SLIT3: variants seen among roughly 807,000 people sequenced by gnomAD.
The protein encoded by SLIT3 is slit homolog 3 protein.
Under a neutral mutation model 184.0 loss-of-function variants are expected in SLIT3, and 68 were observed. That is an observed-to-expected ratio of 0.37 (90% CI 0.30 to 0.45). SLIT3 has a LOEUF of 0.45. SLIT3 is among the 20% of genes least tolerant of loss of function. The pLI, the probability that SLIT3 is intolerant of heterozygous loss-of-function variation, is 1.00. For synonymous variants in SLIT3, 831 were observed against 828.6 expected, an observed-to-expected ratio of 1.00 and a Z score of -0.05; for missense variants, 1,707 against 2,026.0, an observed-to-expected ratio of 0.84 and a Z score of 3.02.
At chr5:168,954,587 C>T (rs1266302096) in intron 4 of SLIT3, among the ~76,000 whole-genome samples, 1 of 152,146 alleles carries the variant, frequency 6.6e-6, no homozygotes, top group African/African-American at 2.4e-5. Flanking sequence ...AAAATATTTC[C>T]ATTTTACAGA....
chr5:169,125,311 G>C (rs1761042636), intron 4 of SLIT3, among the ~76,000 whole-genome samples: 1 of 152,154 alleles, frequency 6.6e-6, no homozygotes, highest in Non-Finnish European at 1.5e-5. Flanking sequence ...CTCCCAAAGT[G>C]CTTGGGATTA....
intron 4 of SLIT3, among the ~76,000 whole-genome samples, chr5:169,083,108 G>T (rs150181904): frequency 6.6e-6 from 1 of 152,142 alleles, no homozygotes; most frequent in African/African-American, 2.4e-5. Flanking sequence ...ACACAGTTTC[G>T]GAACTAACTG....
At chr5:169,276,150 C>T (rs138008349) in intron 1 of SLIT3, among the ~76,000 whole-genome samples, 433 of 152,302 alleles carry the variant, frequency 2.8e-3, no homozygotes, top group Non-Finnish European at 3.8e-3. Context: ...AAACCAATTT[C>T]TTCTGAAAGA....
intron 32 of SLIT3, among the ~76,000 whole-genome samples, chr5:168,676,479 T>C (rs1024407862): frequency 2.8e-4 from 43 of 152,204 alleles, no homozygotes; most frequent in African/African-American, 8.9e-4. Flanking sequence ...GCTATTTCTA[T>C]TTCAGAAGCC....
intron 4 of SLIT3, among the ~76,000 whole-genome samples, chr5:168,918,889 T>C (rs1439343940): frequency 1.3e-5 from 2 of 152,198 alleles, no homozygotes; most frequent in African/African-American, 4.8e-5. Context: ...ATCCTCACCA[T>C]ATATAACCAC....
At position 168,685,788 on chromosome 5, in the gene SLIT3, G is replaced by A. The variant is rs1424624849; in HGVS notation, c.3454C>T (p.Pro1152Ser). The part of the protein sequence containing the change: ...TCRCPPGFAG[P>S]RCEKLITVNF... ...ACAGTGATGAGCTTCTCGCATCTGG[G>A]GCCGGCGAAGCCTGGTGGGCAGCGG... The change falls in exon 31 of 36, where the codon CCC becomes TCC. Residue 1152 changes from proline to serine, a missense_variant. Transcript: ENST00000519560. The A allele has an allele frequency of 6.2e-7, 1 of 1,613,418 alleles. No homozygotes were observed. The highest frequency in any genetic ancestry group is 1.3e-5 in the African/African-American group (1 of 75,054).
chr5:168,986,868 T>C (rs1755149112), intron 4 of SLIT3, among the ~76,000 whole-genome samples: 1 of 152,210 alleles, frequency 6.6e-6, no homozygotes, highest in Non-Finnish European at 1.5e-5. Flanking sequence ...GTTTAACTCA[T>C]GATATACACA....
intron 10 of SLIT3, among the ~76,000 whole-genome samples, chr5:168,793,198 A>G (rs1374371631): frequency 6.6e-6 from 1 of 152,166 alleles, no homozygotes; most frequent in Non-Finnish European, 1.5e-5. Context: ...GCAGAGACAA[A>G]GCCATTCATT....
chr5:168,768,883 G>A lies in SLIT3; in HGVS notation c.1459+3898C>T, dbSNP rs9784693. Among the ~76,000 whole-genome samples the A allele has an allele frequency of 7.8e-3, 1,184 of 152,302 alleles. 13 individuals carry two copies. Among genetic ancestry groups the A allele is most frequent in the African/African-American group, 0.027 (1,107 of 41,562 alleles). ...CCAGATCATTTGAGGTTTAATAGAGGAGCAGTGGGGTGTCAAAAGAAAATA... is the reference window on the plus strand; with the variant it reads ...CCAGATCATTTGAGGTTTAATAGAGAAGCAGTGGGGTGTCAAAAGAAAATA... On this transcript the variant is annotated intron_variant, in intron 14 of 35. Coordinates refer to ENST00000519560, the MANE Select transcript of SLIT3 (RefSeq NM_003062.4).
Position 168,708,007 on chromosome 5 carries a change from A to T in SLIT3, c.2813T>A (p.Leu938Gln), listed in dbSNP as rs147684957. Residue 938 changes from leucine (L) to glutamine (Q), a missense_variant, in exon 26 of 36, where the codon CTG becomes CAG. Coordinates refer to ENST00000519560, the MANE Select transcript of SLIT3 (RefSeq NM_003062.4). Reference protein sequence around the residue: ...NGTCTQDPVELYRCACPYSYK... With the variant: ...NGTCTQDPVEQYRCACPYSYK... ...GCTGTAGGGGCAGGCACAGCGGTACAGCTCCACAGGGTCCTGGGTGCATGT... is the reference window on the plus strand; with the variant it reads ...GCTGTAGGGGCAGGCACAGCGGTACTGCTCCACAGGGTCCTGGGTGCATGT... 7.5e-5 allele frequency: 121 copies of T among 1,614,210 alleles called. No individual in the cohort carries two copies. The African/African-American group carries it at 1.3e-3, about 18-fold the overall frequency.
chr5:169,167,801 A>G (rs1039071709), intron 4 of SLIT3, among the ~76,000 whole-genome samples: 3 of 152,002 alleles, frequency 2.0e-5, no homozygotes, highest in Non-Finnish European at 4.4e-5. Context: ...CCTGCCACCC[A>G]GCAACCCCTC....
At chr5:168,947,474 A>G (rs547508753) in intron 4 of SLIT3, among the ~76,000 whole-genome samples, 6 of 152,138 alleles carry the variant, frequency 3.9e-5, no homozygotes, top group Non-Finnish European at 8.8e-5. Context: ...GAGATGTTGC[A>G]TGGGACTGTG....
chr5:169,199,080 G>C (rs1378892294), intron 3 of SLIT3, among the ~76,000 whole-genome samples: 1 of 152,008 alleles, frequency 6.6e-6, no homozygotes, highest in African/African-American at 2.4e-5. Flanking sequence ...CAGTTTGGAG[G>C]AGGTTGAAAT....
At chr5:169,245,696 CCCACAAGCA>C (rs1765565140) in intron 2 of SLIT3, among the ~76,000 whole-genome samples, 1 of 152,066 alleles carries the variant, frequency 6.6e-6, no homozygotes, top group African/African-American at 2.4e-5. Context: ...AGGAGAGGTA[CCCACAAGCA>C]CCTAAGCAAA....
chr5:168,981,389 C>T (rs1754942571), intron 4 of SLIT3, among the ~76,000 whole-genome samples: 1 of 152,134 alleles, frequency 6.6e-6, no homozygotes, highest in Non-Finnish European at 1.5e-5. Flanking sequence ...CCCGGGATTG[C>T]AATGAGGCTT....
chr5:168,828,401 C>A (rs964781084), intron 6 of SLIT3, among the ~76,000 whole-genome samples: 2 of 151,910 alleles, frequency 1.3e-5, no homozygotes, highest in Admixed American at 1.3e-4. Context: ...GAGGCCACAG[C>A]GGGAGGACTG....
rs138441442 is a variant in SLIT3 at position 169,296,483 on chromosome 5, G to A, written c.197+4030C>T. On this transcript the variant is annotated intron_variant, in intron 1 of 35. Coordinates refer to ENST00000519560, the MANE Select transcript of SLIT3 (RefSeq NM_003062.4). ...AGCTGCTCCTTAGTCTGTCCAGGAGGGCACTGTGTTTCCCTAAAAGGCCAC... is the reference window on the plus strand; with the variant it reads ...AGCTGCTCCTTAGTCTGTCCAGGAGAGCACTGTGTTTCCCTAAAAGGCCAC... Among the ~76,000 whole-genome samples the A allele has an allele frequency of 4.5e-3, 689 of 152,264 alleles. 4 individuals are homozygous for A. Among genetic ancestry groups the A allele is most frequent in the Middle Eastern group, 0.014 (4 of 294 alleles).
chr5:169,130,594 C>A (rs900010097), intron 4 of SLIT3, among the ~76,000 whole-genome samples: 2 of 152,130 alleles, frequency 1.3e-5, no homozygotes, highest in African/African-American at 4.8e-5. Flanking sequence ...ATCCTCCCTG[C>A]CTAAAACAGT....
At chr5:168,740,577 T>C (rs954472533) in intron 20 of SLIT3, among the ~76,000 whole-genome samples, 18 of 151,592 alleles carry the variant, frequency 1.2e-4, no homozygotes, top group Non-Finnish European at 2.7e-4. Flanking sequence ...AACCAGAGGC[T>C]CCCAGCCATA....
Sources: allele counts gnomAD v4.1 joint callset (sites outside exome capture counted in the v4.1 genomes callset), GRCh38; gene constraint gnomAD v4.1.1; transcripts MANE v1.5; gene names NCBI Gene and HGNC (gene_info 2026-07-23, HGNC 2026-07-21).